SGTB: variants seen among roughly 807,000 people sequenced by gnomAD.
SGTB encodes the protein small glutamine rich tetratricopeptide repeat co-chaperone beta.
In SGTB, 19 loss-of-function variants were observed where a neutral mutation model predicts 43.9. The ratio of observed to expected loss-of-function variants is 0.43; its 90% CI spans 0.30 to 0.63. The LOEUF (loss-of-function observed/expected upper bound fraction) is 0.63. Ranked by LOEUF, SGTB falls within the 30% of genes least tolerant of loss-of-function variation. SGTB has a pLI of 0.12. For synonymous variants in SGTB, 116 were observed against 117.3 expected, an observed-to-expected ratio of 0.99 and a Z score of 0.07; for missense variants, 304 against 358.9, an observed-to-expected ratio of 0.85 and a Z score of 1.24.
At chr5:65,705,278 T>A (rs1000398175) in intron 4 of SGTB, among the ~76,000 whole-genome samples, 20 of 150,998 alleles carry the variant, frequency 1.3e-4, no homozygotes, top group Admixed American at 9.9e-4. Flanking sequence ...CCCCCCCTCA[T>A]CTCAACAAAA....
At position 65,668,642 on chromosome 5, in the gene SGTB, G is replaced by C. The variant is rs1023804866; in HGVS notation, c.*1604C>G. 6.6e-6 allele frequency: 1 copy of C among 151,956 alleles called. No individual in the cohort carries two copies. The highest frequency in any genetic ancestry group is 6.6e-5 in the Admixed American group (1 of 15,238). The allele number at this position is 151,956 out of a possible 1,614,324, so 9.4% of individuals were successfully genotyped here. ...TGTAATCCCAGCTACTCAGGAGGCT[G>C]AGGCAGGAGAATCACTTGAACCCGG... On this transcript the variant is annotated 3_prime_UTR_variant, in exon 11 of 11. Coordinates refer to ENST00000381007, the MANE Select transcript of SGTB (RefSeq NM_019072.3).
intron 5 of SGTB, among the ~76,000 whole-genome samples, chr5:65,699,186 A>G (rs889206386): frequency 6.6e-6 from 1 of 152,252 alleles, no homozygotes; most frequent in Non-Finnish European, 1.5e-5. Flanking sequence ...TGTATATACT[A>G]TGGAATACTA....
intron 5 of SGTB, among the ~76,000 whole-genome samples, chr5:65,701,610 T>G (rs1217546188): frequency 6.6e-6 from 1 of 151,488 alleles, no homozygotes; most frequent in Non-Finnish European, 1.5e-5. Context: ...CCATAAGCCA[T>G]ATGTGGCTAT....
At position 65,668,437 on chromosome 5, in the gene SGTB, C is replaced by A. The variant is rs916438295; in HGVS notation, c.*1809G>T. 15 of 152,046 alleles carry A rather than the reference C, an allele frequency of 9.9e-5. No homozygotes were observed. The highest frequency in any genetic ancestry group is 3.6e-4 in the African/African-American group (15 of 41,416). 9.4% of individuals were successfully genotyped at this position (152,046 alleles called of 1,614,324 possible). A position where few individuals can be genotyped will look rare whatever the true frequency, so the allele number is the denominator to read the frequency against. On this transcript the variant is annotated 3_prime_UTR_variant, in exon 11 of 11. Coordinates refer to ENST00000381007, the MANE Select transcript of SGTB (RefSeq NM_019072.3). ...CCAGCCTGGCCGATACGGTGGAACTCTCTCCATTAAAAACAAAAATTAGCG... is the reference window on the plus strand; with the variant it reads ...CCAGCCTGGCCGATACGGTGGAACTATCTCCATTAAAAACAAAAATTAGCG...
chr5:65,718,458 C>A (rs1190291920), intron 2 of SGTB, among the ~76,000 whole-genome samples: 2 of 152,078 alleles, frequency 1.3e-5, no homozygotes, highest in African/African-American at 4.8e-5. Context: ...ATTGCAATTG[C>A]CAAGAACTAA....
chr5:65,698,883 A>C (rs538350722), intron 5 of SGTB, among the ~76,000 whole-genome samples: 1 of 152,334 alleles, frequency 6.6e-6, no homozygotes, highest in Admixed American at 6.5e-5. Flanking sequence ...AAAAAACAAC[A>C]GATGTTGGCA....
chr5:65,703,495 C>T (rs1047855591), intron 5 of SGTB, among the ~76,000 whole-genome samples: 7 of 151,718 alleles, frequency 4.6e-5, no homozygotes, highest in Non-Finnish European at 8.8e-5. Flanking sequence ...CACTTGAAGT[C>T]AGGAGTTCAG....
chr5:65,720,742 G>A lies in SGTB; in HGVS notation c.66C>T (p.Asp22=). The change falls in exon 2 of 11, where the codon GAC becomes GAT. Residue 22 remains aspartate (D), a synonymous_variant. Transcript: ENST00000381007. The stretch of plus-strand genomic sequence containing the variant: ...TTTCTTGTTCATCCGAGGTGTAAGT[G>A]TCCATCTGACTTTGTTCCCGTAAGA... The part of the protein sequence containing the change: ...IRFLREQSQM[D]TYTSDEQESL... 1 of 1,613,962 alleles carries A rather than the reference G, an allele frequency of 6.2e-7. No individual in the cohort carries two copies. Among genetic ancestry groups the A allele is most frequent in the South Asian group, 1.1e-5 (1 of 91,050 alleles).
chr5:65,716,814 G>T (rs1399046259), intron 2 of SGTB, among the ~76,000 whole-genome samples: 3 of 151,984 alleles, frequency 2.0e-5, no homozygotes, highest in Non-Finnish European at 4.4e-5. Flanking sequence ...GCATAAATTT[G>T]GGAAATAGCA....
intron 5 of SGTB, among the ~76,000 whole-genome samples, chr5:65,690,071 A>G (rs1757576275): frequency 1.3e-5 from 2 of 151,214 alleles, no homozygotes. Flanking sequence ...CCAAATAATT[A>G]GAAAGAAAGA....
intron 5 of SGTB, among the ~76,000 whole-genome samples, chr5:65,695,061 A>T (rs902079339): frequency 6.6e-6 from 1 of 152,156 alleles, no homozygotes; most frequent in Non-Finnish European, 1.5e-5. Flanking sequence ...GATCAATTTC[A>T]CATCTTAGAA....
At chr5:65,672,076 A>G in intron 9 of SGTB, 78 bp from the exon 10 acceptor site, 1 of 1,584,168 alleles carries the variant, frequency 6.3e-7, no homozygotes. Flanking sequence ...GGAAAAGTTA[A>G]TAAAATACCC....
chr5:65,718,041 T>C (rs1758184451), intron 2 of SGTB, among the ~76,000 whole-genome samples: 1 of 151,952 alleles, frequency 6.6e-6, no homozygotes, highest in South Asian at 2.1e-4. Flanking sequence ...GGTCAAAGAA[T>C]AGCTGGAGTA....
At chr5:65,699,796 T>C (rs1757780106) in intron 5 of SGTB, among the ~76,000 whole-genome samples, 1 of 152,194 alleles carries the variant, frequency 6.6e-6, no homozygotes, top group Non-Finnish European at 1.5e-5. Flanking sequence ...TCTTCTCAAG[T>C]TTGTGGATAA....
At chr5:65,721,275 T>C (rs1007146581) in intron 1 of SGTB, among the ~76,000 whole-genome samples, 9 of 152,210 alleles carry the variant, frequency 5.9e-5, no homozygotes, top group African/African-American at 2.2e-4. Flanking sequence ...CCCACTTTTG[T>C]AGGTTGAGAG....
At chr5:65,691,625 G>C (rs1757611246) in intron 5 of SGTB, among the ~76,000 whole-genome samples, 1 of 150,508 alleles carries the variant, frequency 6.6e-6, no homozygotes, top group Admixed American at 6.6e-5. Flanking sequence ...CACTGTGCCT[G>C]GCTAAGAAAG....
chr5:65,691,697 T>C (rs531422525), intron 5 of SGTB, among the ~76,000 whole-genome samples: 2 of 150,510 alleles, frequency 1.3e-5, no homozygotes, highest in Non-Finnish European at 3.0e-5. Context: ...TCCCAGCACT[T>C]TGGGAGGCCG....
intron 5 of SGTB, among the ~76,000 whole-genome samples, chr5:65,701,147 T>C (rs915031831): frequency 1.3e-5 from 2 of 150,298 alleles, no homozygotes; most frequent in Non-Finnish European, 3.0e-5. Flanking sequence ...CTAACAGATA[T>C]AACCTAACCA....
At chr5:65,682,095 CA>C (rs1170177827) in intron 6 of SGTB, among the ~76,000 whole-genome samples, 2 of 151,942 alleles carry the variant, frequency 1.3e-5, no homozygotes, top group Non-Finnish European at 2.9e-5. Flanking sequence ...GAGAGCTGCT[CA>C]AAAAGTAGCC....
Sources: gnomAD v4.1 joint callset for allele counts (sites outside exome capture counted in the v4.1 genomes callset) on GRCh38, gnomAD v4.1.1 for gene constraint, MANE v1.5 for transcripts, NCBI Gene and HGNC (gene_info 2026-07-23, HGNC 2026-07-21) for gene names.